The following NEXMIF variants were observed in gnomAD, a reference collection of about 807,000 sequenced individuals.
NEXMIF encodes XLMR protein related to neurite extension.
NEXMIF carries 8 observed loss-of-function variants against 62.1 expected under a neutral mutation model. The ratio of observed to expected loss-of-function variants is 0.13; its 90% CI spans 0.08 to 0.23. NEXMIF has a LOEUF of 0.23. Ranked by LOEUF, NEXMIF falls within the 10% of genes least tolerant of loss-of-function variation. The pLI is 1.00. For missense variants in NEXMIF, 976 were observed against 1,113.3 expected, an observed-to-expected ratio of 0.88 and a Z score of 1.75; for synonymous variants, 404 against 416.6, an observed-to-expected ratio of 0.97 and a Z score of 0.37.
intron 1 of NEXMIF, among the ~76,000 whole-genome samples, chrX:74,763,792 T>G (rs751050249): frequency 8.0e-5 from 9 of 111,891 alleles, no homozygotes; most frequent in Non-Finnish European, 1.3e-4. Flanking sequence ...TGTATAAGAA[T>G]GCTTATAATT....
intron 1 of NEXMIF, among the ~76,000 whole-genome samples, chrX:74,763,652 G>A (rs1171396267): frequency 9.0e-6 from 1 of 111,516 alleles, no homozygotes; most frequent in African/African-American, 3.3e-5. Flanking sequence ...TTGAGCAGTG[G>A]TTTGTAGTTC....
intron 1 of NEXMIF, among the ~76,000 whole-genome samples, chrX:74,877,244 C>T (rs2080639607): frequency 9.0e-6 from 1 of 110,879 alleles, no homozygotes; most frequent in Non-Finnish European, 1.9e-5. Context: ...TTCTCCTTCA[C>T]TTATGAAGCT....
intron 1 of NEXMIF, among the ~76,000 whole-genome samples, chrX:74,852,164 G>A (rs1283665355): frequency 2.7e-5 from 3 of 111,563 alleles, no homozygotes; most frequent in Non-Finnish European, 3.8e-5. Flanking sequence ...AGCAAGGGTA[G>A]CTATGTTTAA....
intron 1 of NEXMIF, among the ~76,000 whole-genome samples, chrX:74,861,621 A>G: frequency 8.9e-6 from 1 of 111,976 alleles, no homozygotes; most frequent in East Asian, 2.8e-4. Flanking sequence ...TACAAAGAGA[A>G]GTCCATCAGA....
intron 1 of NEXMIF, among the ~76,000 whole-genome samples, chrX:74,871,328 G>A (rs899486663): frequency 1.8e-5 from 2 of 111,144 alleles, no homozygotes; most frequent in Non-Finnish European, 3.8e-5. Flanking sequence ...GTACGAACAG[G>A]GAGTAGGTCA....
intron 1 of NEXMIF, among the ~76,000 whole-genome samples, chrX:74,762,028 C>A (rs1044482628): frequency 1.8e-5 from 2 of 110,916 alleles, no homozygotes; most frequent in African/African-American, 6.6e-5. Context: ...AGGTTTGTTA[C>A]ATATGTATAC....
At chrX:74,860,902 C>A (rs750285760) in intron 1 of NEXMIF, among the ~76,000 whole-genome samples, 48 of 111,146 alleles carry the variant, frequency 4.3e-4, no homozygotes, top group Non-Finnish European at 7.8e-4. Flanking sequence ...AAGATCAGAG[C>A]AGAAACAAAT....
intron 1 of NEXMIF, among the ~76,000 whole-genome samples, chrX:74,763,871 A>G (rs1425885032): frequency 2.7e-5 from 3 of 111,998 alleles, no homozygotes; most frequent in Non-Finnish European, 5.6e-5. Flanking sequence ...TTTTGGGCTG[A>G]GACAATGGGG....
At chrX:74,874,708 C>T (rs1159952905) in intron 1 of NEXMIF, among the ~76,000 whole-genome samples, 1 of 92,491 alleles carries the variant, frequency 1.1e-5, no homozygotes, top group Non-Finnish European at 2.1e-5. Context: ...AGGTCCTTCA[C>T]ATCCCTTGTA....
At chrX:74,892,363 G>A (rs1285059271) in intron 1 of NEXMIF, among the ~76,000 whole-genome samples, 4 of 112,022 alleles carry the variant, frequency 3.6e-5, no homozygotes, top group Admixed American at 9.5e-5. Flanking sequence ...AAGATCTTGC[G>A]TAGGTCTAAT....
chrX:74,875,766 T>C (rs2080629013), intron 1 of NEXMIF, among the ~76,000 whole-genome samples: 1 of 112,219 alleles, frequency 8.9e-6, no homozygotes, highest in Non-Finnish European at 1.9e-5. Flanking sequence ...TTCTAGATTT[T>C]CTAGTTTATT....
chrX:74,750,132 A>G (rs901732391), intron 1 of NEXMIF, among the ~76,000 whole-genome samples: 11 of 111,467 alleles, frequency 9.9e-5, no homozygotes, highest in African/African-American at 3.6e-4. Context: ...GTGAGATGTC[A>G]AAAAGATTAG....
intron 1 of NEXMIF, among the ~76,000 whole-genome samples, chrX:74,892,960 T>C (rs1168028587): frequency 8.9e-6 from 1 of 111,996 alleles, no homozygotes; most frequent in Non-Finnish European, 1.9e-5. Context: ...AGAATATGTA[T>C]GTATAGAAAA....
chrX:74,890,809 T>C (rs144393147), intron 1 of NEXMIF, among the ~76,000 whole-genome samples: 77 of 111,012 alleles, frequency 6.9e-4, no homozygotes, highest in Non-Finnish European at 1.3e-3. Context: ...ATTTGAAACT[T>C]TGACCCTGCT....
intron 1 of NEXMIF, among the ~76,000 whole-genome samples, chrX:74,781,774 G>A: frequency 1.1e-5 from 1 of 94,800 alleles, no homozygotes; most frequent in Non-Finnish European, 2.2e-5. Context: ...CCAGGATGTG[G>A]TGTAGCTCAG....
chrX:74,877,222 A>G (rs1436857934), intron 1 of NEXMIF, among the ~76,000 whole-genome samples: 1 of 110,823 alleles, frequency 9.0e-6, no homozygotes. Context: ...GCTTATCTGT[A>G]AAGTATTTTA....
intron 1 of NEXMIF, among the ~76,000 whole-genome samples, chrX:74,793,022 T>C (rs1450351297): frequency 2.5e-4 from 27 of 109,097 alleles, no homozygotes; most frequent in Admixed American, 6.9e-4. Flanking sequence ...GTCATTATGA[T>C]GTTAGCTGGT....
chrX:74,841,857 G>C (rs183896411), intron 1 of NEXMIF, among the ~76,000 whole-genome samples: 49 of 111,444 alleles, frequency 4.4e-4, no homozygotes, highest in Non-Finnish European at 8.7e-4. Context: ...ATTAGCTTTT[G>C]ACGTGCTGCT....
At chrX:74,911,248 T>G (rs919318806) in intron 1 of NEXMIF, among the ~76,000 whole-genome samples, 1 of 111,189 alleles carries the variant, frequency 9.0e-6, no homozygotes, top group African/African-American at 3.3e-5. Flanking sequence ...GGTGAAACCC[T>G]GTCTCTACTA....
Sources: allele counts gnomAD v4.1 joint callset (sites outside exome capture counted in the v4.1 genomes callset), GRCh38; gene constraint gnomAD v4.1.1; transcripts MANE v1.5; gene names NCBI Gene and HGNC (gene_info 2026-07-23, HGNC 2026-07-21).